Variants in KCNK10 observed in about 807,000 individuals in gnomAD.
KCNK10 encodes the protein potassium two pore domain channel subfamily K member 10.
Under a neutral mutation model 47.7 loss-of-function variants are expected in KCNK10, and 25 were observed. That is an observed-to-expected ratio of 0.52 (90% CI 0.38 to 0.73). The LOEUF is 0.73. Ranked by LOEUF, KCNK10 falls within the 30% of genes least tolerant of loss-of-function variation. KCNK10 has a pLI of 0.00. For synonymous variants in KCNK10, 303 were observed against 285.6 expected, an observed-to-expected ratio of 1.06 and a Z score of -0.61; for missense variants, 563 against 714.5, an observed-to-expected ratio of 0.79 and a Z score of 2.42.
At position 88,259,800 on chromosome 14, in the gene KCNK10, A is replaced by G. The variant is rs534457480; in HGVS notation, c.402+3402T>C. Among the ~76,000 whole-genome samples the G allele has an allele frequency of 3.1e-4, 47 of 152,158 alleles. 2 individuals carry two copies. The South Asian group carries it at 5.4e-3, about 17-fold the overall frequency. Reference sequence around the variant, plus strand: ...GCTAAAATTCTGGAAAGTGTCTGATATGGTTTGGATTTATGTCCCTGCCCA... The same window carrying G: ...GCTAAAATTCTGGAAAGTGTCTGATGTGGTTTGGATTTATGTCCCTGCCCA... On this transcript the variant is annotated intron_variant, in intron 2 of 6. Coordinates refer to ENST00000319231, the MANE Select transcript of KCNK10 (RefSeq NM_138317.3).
intron 2 of KCNK10, among the ~76,000 whole-genome samples, chr14:88,248,776 C>G (rs1467469427): frequency 6.6e-6 from 1 of 151,994 alleles, no homozygotes; most frequent in Non-Finnish European, 1.5e-5. Flanking sequence ...TCTGTGCCTC[C>G]TTAAGAATGA....
chr14:88,307,089 G>A (rs913749917), intron 1 of KCNK10, among the ~76,000 whole-genome samples: 1 of 152,170 alleles, frequency 6.6e-6, no homozygotes, highest in African/African-American at 2.4e-5. Context: ...GTGAGTGGAT[G>A]AGAAGGCCAA....
intron 1 of KCNK10, among the ~76,000 whole-genome samples, chr14:88,300,890 T>C (rs970232723): frequency 1.3e-5 from 2 of 152,202 alleles, no homozygotes; most frequent in African/African-American, 4.8e-5. Flanking sequence ...ATTTATCCTA[T>C]ATTAGGCTTC....
chr14:88,200,167 CCTT>C (rs1885060181), intron 4 of KCNK10, among the ~76,000 whole-genome samples: 1 of 151,074 alleles, frequency 6.6e-6, no homozygotes, highest in African/African-American at 2.4e-5. Context: ...TTCCTTCCTT[CCTT>C]CTTTTTTTAG....
chr14:88,260,820 G>A lies in KCNK10; in HGVS notation c.402+2382C>T, dbSNP rs948768859. On this transcript the variant is annotated intron_variant, in intron 2 of 6. Coordinates refer to ENST00000319231, the MANE Select transcript of KCNK10 (RefSeq NM_138317.3). This position sits in a 1 kb window ranked among gnomAD's most constrained non-coding sequence, Gnocchi z 4.5. ...ATCTTAAATGCACACACGTGTGTAT[G>A]TGCAAACACATTCACACAAACGCAC... Among the ~76,000 whole-genome samples, 2 of 152,164 alleles carry A rather than the reference G, an allele frequency of 1.3e-5. No homozygotes were observed. Among genetic ancestry groups the A allele is most frequent in the Non-Finnish European group, 2.9e-5 (2 of 68,038 alleles).
At chr14:88,297,386 T>C (rs1472720362) in intron 1 of KCNK10, among the ~76,000 whole-genome samples, 1 of 152,252 alleles carries the variant, frequency 6.6e-6, no homozygotes, top group Non-Finnish European at 1.5e-5. Context: ...TAGTGTCTAC[T>C]TAATAGTGAG....
At chr14:88,279,820 A>T (rs888308585) in intron 1 of KCNK10, among the ~76,000 whole-genome samples, 1 of 152,256 alleles carries the variant, frequency 6.6e-6, no homozygotes, top group Admixed American at 6.5e-5. Flanking sequence ...GGAGGAACCC[A>T]GGGGGAGGTA....
intron 3 of KCNK10, among the ~76,000 whole-genome samples, chr14:88,228,169 T>A (rs1390464946): frequency 6.6e-6 from 1 of 152,188 alleles, no homozygotes; most frequent in Non-Finnish European, 1.5e-5. Context: ...GAACTCCACA[T>A]CATCTCTGAG....
At chr14:88,319,368 G>A (rs1355112352) in intron 1 of KCNK10, among the ~76,000 whole-genome samples, 1 of 152,208 alleles carries the variant, frequency 6.6e-6, no homozygotes, top group Non-Finnish European at 1.5e-5. Context: ...GAAGGGTCAT[G>A]TCTGTTGATA....
chr14:88,318,212 G>A (rs1888468886), intron 1 of KCNK10, among the ~76,000 whole-genome samples: 1 of 152,162 alleles, frequency 6.6e-6, no homozygotes, highest in South Asian at 2.1e-4. Flanking sequence ...ATAGCTGAGA[G>A]GCGTCCTGCA....
At chr14:88,252,839 G>C (rs8019435) in intron 2 of KCNK10, among the ~76,000 whole-genome samples, 5,178 of 152,286 alleles carry the variant, frequency 0.034, 291 homozygotes, top group African/African-American at 0.12. Context: ...GAGGACAGGA[G>C]AGAGAGCTCT....
intron 2 of KCNK10, among the ~76,000 whole-genome samples, chr14:88,241,737 C>T (rs1886477811): frequency 6.6e-6 from 1 of 152,220 alleles, no homozygotes; most frequent in Non-Finnish European, 1.5e-5. Flanking sequence ...GGGTCTAATT[C>T]AAGCCCTGCT....
At chr14:88,293,957 G>A (rs547398850) in intron 1 of KCNK10, among the ~76,000 whole-genome samples, 2 of 152,236 alleles carry the variant, frequency 1.3e-5, no homozygotes, top group East Asian at 3.9e-4. Flanking sequence ...GAAGTTACAA[G>A]TGTGAACCAC....
rs373837865 is a variant in KCNK10 at position 88,295,143 on chromosome 14, G to C, written c.52+27604C>G. Among the ~76,000 whole-genome samples the C allele has an allele frequency of 1.1e-4, 17 of 152,278 alleles. No homozygotes were observed. The East Asian group carries it at 1.4e-3, about 12-fold the overall frequency. On this transcript the variant is annotated intron_variant, in intron 1 of 6. Transcript: ENST00000319231. ...AGTAGCGTTGTTCTGTGTGTCATTA[G>C]AAAGGTTATTGTTCTGGCCATTCAG...
chr14:88,290,678 G>T (rs1414663685), intron 1 of KCNK10, among the ~76,000 whole-genome samples: 1 of 152,164 alleles, frequency 6.6e-6, no homozygotes, highest in South Asian at 2.1e-4. Context: ...CGAGACTGAC[G>T]TTCTAAGCTC....
rs552784809 is a variant in KCNK10, at chr14:88,184,398, G to A, written c.*1137C>T. ...AAATGGAATTAATGGCACTTACGCT[G>A]CAAGCAATAAAAACATTTCAAGCTT... On this transcript the variant is annotated 3_prime_UTR_variant, in exon 7 of 7. Transcript: ENST00000319231. 6.6e-5 allele frequency: 10 copies of A among 152,326 alleles called. No homozygotes were observed. The highest frequency in any genetic ancestry group is 2.0e-4 in the Admixed American group (3 of 15,286). 9.4% of individuals were successfully genotyped at this position (152,326 alleles called of 1,614,324 possible).
At chr14:88,291,020 C>T (rs893317471) in intron 1 of KCNK10, among the ~76,000 whole-genome samples, 8 of 152,192 alleles carry the variant, frequency 5.3e-5, no homozygotes, top group Non-Finnish European at 5.9e-5. Flanking sequence ...GTCCCTCTGC[C>T]GCGGAAAAGG....
intron 1 of KCNK10, among the ~76,000 whole-genome samples, chr14:88,291,808 C>T (rs892112139): frequency 6.6e-6 from 1 of 152,182 alleles, no homozygotes; most frequent in Non-Finnish European, 1.5e-5. Flanking sequence ...AGTGGAGTCA[C>T]GTGCTTTCCC....
chr14:88,246,111 C>G (rs1377452868), intron 2 of KCNK10, among the ~76,000 whole-genome samples: 1 of 151,702 alleles, frequency 6.6e-6, no homozygotes, highest in Non-Finnish European at 1.5e-5. Flanking sequence ...GGGGTTTCAC[C>G]GTGTTAGCCA....
Sources: allele counts gnomAD v4.1 joint callset (sites outside exome capture counted in the v4.1 genomes callset), GRCh38; gene constraint gnomAD v4.1.1; non-coding constraint Gnocchi (gnomAD v3.1); transcripts MANE v1.5; gene names NCBI Gene and HGNC (gene_info 2026-07-23, HGNC 2026-07-21).